The following NCKAP5 variants were observed in gnomAD, a reference collection of about 807,000 sequenced individuals.
The protein encoded by NCKAP5 is nck-associated protein 5.
NCKAP5 carries 92 observed loss-of-function variants against 167.0 expected under a neutral mutation model. That is an observed-to-expected ratio of 0.55 (90% CI 0.47 to 0.66). NCKAP5 has a LOEUF of 0.66. Among genes scored for constraint, NCKAP5 ranks in the 30% least tolerant of loss-of-function variants. The pLI is 0.00. For synonymous variants in NCKAP5, 891 were observed against 877.4 expected (o/e 1.02, Z -0.27); for missense variants, 2,378 against 2,315.0 (o/e 1.03, Z -0.56).
chr2:133,021,620 G>C (rs1264818676), intron 6 of NCKAP5, among the ~76,000 whole-genome samples: 8 of 152,066 alleles, frequency 5.3e-5, no homozygotes, highest in Non-Finnish European at 1.0e-4. Context: ...GTAAACTCTA[G>C]TTTTTTTATT....
intron 3 of NCKAP5, among the ~76,000 whole-genome samples, chr2:133,450,922 C>A (rs78862444): frequency 0.028 from 4,235 of 152,134 alleles, 76 homozygotes; most frequent in Middle Eastern, 0.051. Flanking sequence ...GAATATTTTA[C>A]CAAAAATCAA....
At chr2:132,820,634 C>T (rs901505207) in intron 11 of NCKAP5, among the ~76,000 whole-genome samples, 3 of 152,126 alleles carry the variant, frequency 2.0e-5, no homozygotes, top group Admixed American at 6.5e-5. Context: ...ATTTTCCTCT[C>T]TGCATAGCCC....
chr2:133,066,737 A>G (rs921743934), intron 6 of NCKAP5, among the ~76,000 whole-genome samples: 7 of 152,218 alleles, frequency 4.6e-5, no homozygotes, highest in Non-Finnish European at 7.3e-5. Context: ...GTCTGCAAAA[A>G]TTTTTGCAAT....
At chr2:133,440,709 CAAAAAA>C (rs1174654151) in intron 3 of NCKAP5, among the ~76,000 whole-genome samples, 13 of 32,692 alleles carry the variant, frequency 4.0e-4, no homozygotes, top group South Asian at 1.7e-3. Flanking sequence ...GACTCTGTCT[CAAAAAA>C]AAAAAAAAAA....
intron 19 of NCKAP5, among the ~76,000 whole-genome samples, chr2:132,711,461 G>A (rs182320893): frequency 4.4e-4 from 67 of 152,300 alleles, no homozygotes; most frequent in Admixed American, 2.8e-3. Context: ...GTGAGAATCC[G>A]AGGCACAGAA....
In NCKAP5 at chr2:133,552,488, C is replaced by T. The variant is rs1307990417; in HGVS notation, c.-62+6562G>A. On this transcript the variant is annotated intron_variant, in intron 2 of 19. Coordinates refer to ENST00000409261, the MANE Select transcript of NCKAP5 (RefSeq NM_207363.3). ...GAAATCATCATTCTCAGTAAACTAT[C>T]GCAAGAACAAAAAACCAAACACCGC... 4.1e-5 allele frequency among the ~76,000 whole-genome samples: 6 copies of T among 145,474 alleles called. No homozygotes were observed. In the East Asian group the frequency reaches 8.6e-4, roughly 21 times the overall value.
intron 3 of NCKAP5, among the ~76,000 whole-genome samples, chr2:133,320,499 T>C (rs1348185776): frequency 3.3e-5 from 5 of 152,086 alleles, no homozygotes; most frequent in Admixed American, 1.3e-4. Context: ...GAGGCCAAGG[T>C]GGGCAGATCA....
chr2:133,293,723 A>T (rs1308188738), intron 4 of NCKAP5, among the ~76,000 whole-genome samples: 1 of 152,162 alleles, frequency 6.6e-6, no homozygotes, highest in African/African-American at 2.4e-5. Context: ...CCCAATTTCG[A>T]GAGCCCTGGT....
intron 3 of NCKAP5, among the ~76,000 whole-genome samples, chr2:133,435,697 T>C (rs1690429584): frequency 6.6e-6 from 1 of 152,206 alleles, no homozygotes; most frequent in African/African-American, 2.4e-5. Context: ...ATTAATGAAA[T>C]CCACTGAATA....
chr2:132,716,404 G>A (rs749168879), intron 19 of NCKAP5, among the ~76,000 whole-genome samples: 9 of 152,158 alleles, frequency 5.9e-5, no homozygotes, highest in East Asian at 1.9e-4. Context: ...GCCTAGTTCC[G>A]TTGCCTAGTT....
At position 132,871,117 on chromosome 2, in the gene NCKAP5, A is replaced by G. The variant is rs369446398; in HGVS notation, c.649-2143T>C. On this transcript the variant is annotated intron_variant, in intron 9 of 19. Coordinates refer to ENST00000409261, the MANE Select transcript of NCKAP5 (RefSeq NM_207363.3). ...ACTACCACAGACCAAAATAAACTAT[A>G]CTTTCATTAACTGAGGCCATATGTT... Among the ~76,000 whole-genome samples the G allele has an allele frequency of 3.9e-5, 6 of 152,188 alleles. No individual in the cohort carries two copies. The South Asian group carries it at 1.0e-3, about 26-fold the overall frequency.
chr2:133,630,112 C>T, the NCKAP5 span, among the ~76,000 whole-genome samples: 2 of 152,140 alleles, frequency 1.3e-5, no homozygotes, highest in East Asian at 3.9e-4. Flanking sequence ...CAAACCTGCA[C>T]ATCCTGCACA....
At chr2:132,925,728 T>A (rs1034013674) in intron 8 of NCKAP5, among the ~76,000 whole-genome samples, 2 of 151,662 alleles carry the variant, frequency 1.3e-5, no homozygotes, top group Non-Finnish European at 2.9e-5. Context: ...GGCCTGGGGG[T>A]TGGGGACCCC....
chr2:133,410,300 G>A (rs1233918565), intron 3 of NCKAP5, among the ~76,000 whole-genome samples: 1 of 152,188 alleles, frequency 6.6e-6, no homozygotes, highest in African/African-American at 2.4e-5. Flanking sequence ...TCAACAAAGA[G>A]CATAGCTGAT....
At chr2:132,759,265 G>A (rs1680805615) in intron 16 of NCKAP5, among the ~76,000 whole-genome samples, 1 of 151,908 alleles carries the variant, frequency 6.6e-6, no homozygotes, top group Admixed American at 6.6e-5. Context: ...TGAACATTTG[G>A]GTTATTTTCT....
chr2:133,534,291 T>C (rs1025926190), intron 2 of NCKAP5, among the ~76,000 whole-genome samples: 2 of 152,182 alleles, frequency 1.3e-5, no homozygotes, highest in African/African-American at 4.8e-5. Context: ...TTAAAAGAAT[T>C]TAATGCCTTT....
intron 3 of NCKAP5, among the ~76,000 whole-genome samples, chr2:133,386,224 T>C (rs1402844589): frequency 1.3e-5 from 2 of 152,236 alleles, no homozygotes; most frequent in African/African-American, 2.4e-5. Context: ...TTTAAATGTG[T>C]CCCAGAGATT....
intron 5 of NCKAP5, among the ~76,000 whole-genome samples, chr2:133,181,924 A>G (rs1479100126): frequency 6.6e-6 from 1 of 152,244 alleles, no homozygotes; most frequent in African/African-American, 2.4e-5. Context: ...AAAAGGACGA[A>G]AAAAGATATA....
intron 8 of NCKAP5, among the ~76,000 whole-genome samples, chr2:132,954,262 G>A (rs1022506435): frequency 2.0e-5 from 3 of 152,064 alleles, no homozygotes; most frequent in South Asian, 2.1e-4. Context: ...AGCAGCCCAC[G>A]GACCCTCTCA....
Sources: allele counts gnomAD v4.1 joint callset (sites outside exome capture counted in the v4.1 genomes callset), GRCh38; gene constraint gnomAD v4.1.1; transcripts MANE v1.5; gene names NCBI Gene and HGNC (gene_info 2026-07-23, HGNC 2026-07-21).